Variants in DIAPH3 observed in about 807,000 individuals in gnomAD.
The protein encoded by DIAPH3 is diaphanous related formin 3.
Under a neutral mutation model 144.3 loss-of-function variants are expected in DIAPH3, and 117 were observed. The observed-to-expected ratio is 0.81, with a 90% CI of 0.70 to 0.95. The LOEUF (loss-of-function observed/expected upper bound fraction) is 0.95, where lower values mean the gene tolerates loss of function less well. DIAPH3 is among the 40% of genes least tolerant of loss of function. The pLI is 0.00. For missense variants in DIAPH3, 1,421 were observed against 1,412.7 expected (o/e 1.01, Z -0.09); for synonymous variants, 519 against 488.9 (o/e 1.06, Z -0.81).
chr13:60,124,432 C>A (rs911684172), intron 2 of DIAPH3, among the ~76,000 whole-genome samples: 1 of 152,134 alleles, frequency 6.6e-6, no homozygotes, highest in Non-Finnish European at 1.5e-5. Flanking sequence ...ACCTCTCAGT[C>A]CAACACCTCA....
At chr13:60,033,528 A>G (rs1430766849) in intron 5 of DIAPH3, among the ~76,000 whole-genome samples, 1 of 152,168 alleles carries the variant, frequency 6.6e-6, no homozygotes, top group East Asian at 1.9e-4. Context: ...GGGAACAGGC[A>G]CATCACATGG....
intron 2 of DIAPH3, among the ~76,000 whole-genome samples, chr13:60,127,353 C>T (rs1056626845): frequency 6.6e-6 from 1 of 151,482 alleles, no homozygotes; most frequent in African/African-American, 2.4e-5. Context: ...CTTGAATAGT[C>T]CTATATCTAG....
At chr13:59,773,950 T>C (rs1453685414) in intron 27 of DIAPH3, 5 of 457,668 alleles carry the variant, frequency 1.1e-5, no homozygotes, top group South Asian at 3.7e-5. Flanking sequence ...TTCAGATAAT[T>C]ATAATAATAA....
chr13:59,880,978 C>CAAAAAAAAAAAAAAAAAAAAAA (rs77481523), intron 20 of DIAPH3, among the ~76,000 whole-genome samples: 1 of 64,822 alleles, frequency 1.5e-5, no homozygotes, highest in East Asian at 3.4e-4. Context: ...CAACAAGGAC[C>CAAAAAAAAAAAAAAAAAAAAAA]AAAAAAAAAA....
At chr13:59,783,769 C>A (rs1325945454) in intron 25 of DIAPH3, among the ~76,000 whole-genome samples, 1 of 152,152 alleles carries the variant, frequency 6.6e-6, no homozygotes, top group Non-Finnish European at 1.5e-5. Context: ...AGATAAATCA[C>A]GTACAATGCT....
intron 9 of DIAPH3, among the ~76,000 whole-genome samples, chr13:60,002,971 C>T (rs186816967): frequency 2.6e-4 from 40 of 152,200 alleles, no homozygotes; most frequent in East Asian, 1.5e-3. Context: ...GATTAAAGGA[C>T]GGCAGAAACT....
At chr13:59,989,585 A>G (rs1470414528) in intron 12 of DIAPH3, among the ~76,000 whole-genome samples, 1 of 151,872 alleles carries the variant, frequency 6.6e-6, no homozygotes. Flanking sequence ...TGAACATCAA[A>G]TGTAAAAGTT....
intron 17 of DIAPH3, among the ~76,000 whole-genome samples, chr13:59,958,897 T>G (rs1323334607): frequency 7.4e-6 from 1 of 134,872 alleles, no homozygotes; most frequent in Non-Finnish European, 1.6e-5. Context: ...TTTTTTGAGA[T>G]AGAGTCTCGC....
Position 60,093,729 on chromosome 13 carries a change from C to T in DIAPH3, c.394G>A (p.Asp132Asn). The change falls in exon 4 of 28, where the codon GAT becomes AAT. Residue 132 changes from aspartate to asparagine, a missense_variant. Coordinates refer to ENST00000400324, the MANE Select transcript of DIAPH3 (RefSeq NM_001042517.2). ...LLELFEKMME[D>N]MNLNEDKKAP... ...TTTTTATCTTCATTTAAATTCATAT[C>T]TTCCTGGAAAACACAATTAAAATGC... 1 of 1,605,638 alleles carries T rather than the reference C, an allele frequency of 6.2e-7. No individual in the cohort carries two copies. The highest frequency in any genetic ancestry group is 8.5e-7 in the Non-Finnish European group (1 of 1,173,254).
chr13:59,861,158 T>TA, intron 22 of DIAPH3: 1 of 1,282,128 alleles, frequency 7.8e-7, no homozygotes, highest in South Asian at 1.6e-5. Context: ...AGCAGGTATC[T>TA]ACAAGGTTTA....
chr13:60,112,204 A>G lies in DIAPH3; in HGVS notation c.214-18T>C, dbSNP rs1057303070. ...TTGTCCAGCTACAAAGAAAGACAGAATGACACACGTGTAAGTATTTCCTTT... is the reference window on the plus strand; with the variant it reads ...TTGTCCAGCTACAAAGAAAGACAGAGTGACACACGTGTAAGTATTTCCTTT... On this transcript the variant is annotated intron_variant, in intron 2 of 27. Transcript: ENST00000400324. The G allele has an allele frequency of 1.9e-6, 3 of 1,613,408 alleles. No homozygotes were observed. The highest frequency in any genetic ancestry group is 2.7e-5 in the African/African-American group (2 of 74,926).
intron 2 of DIAPH3, among the ~76,000 whole-genome samples, chr13:60,131,487 A>G (rs560786147): frequency 3.0e-4 from 46 of 151,546 alleles, no homozygotes; most frequent in African/African-American, 1.1e-3. Flanking sequence ...ACATGCAACA[A>G]TGTGGATGAA....
At chr13:60,109,538 GA>G (rs1232825287) in intron 3 of DIAPH3, among the ~76,000 whole-genome samples, 1 of 151,928 alleles carries the variant, frequency 6.6e-6, no homozygotes, top group African/African-American at 2.4e-5. Context: ...CCCTACTGGA[GA>G]CTAGAAATGG....
chr13:59,668,302 G>T (rs1479012378), intron 27 of DIAPH3, among the ~76,000 whole-genome samples: 5 of 152,142 alleles, frequency 3.3e-5, no homozygotes, highest in Non-Finnish European at 7.3e-5. Flanking sequence ...CTTGAAAACT[G>T]CATTTGCAGC....
intron 25 of DIAPH3, among the ~76,000 whole-genome samples, chr13:59,790,928 C>G (rs2039295623): frequency 6.6e-6 from 1 of 152,112 alleles, no homozygotes. Context: ...ACAGTAAAAG[C>G]TGATATTAGG....
chr13:60,141,558 A>C (rs2059425419), intron 1 of DIAPH3, among the ~76,000 whole-genome samples: 1 of 152,260 alleles, frequency 6.6e-6, no homozygotes, highest in South Asian at 2.1e-4. Flanking sequence ...GACTAAAGGC[A>C]AATAAAATTT....
intron 27 of DIAPH3, among the ~76,000 whole-genome samples, chr13:59,679,793 T>C (rs2032846531): frequency 6.6e-6 from 1 of 151,738 alleles, no homozygotes; most frequent in Admixed American, 6.6e-5. Flanking sequence ...ATTAAGTTAC[T>C]GAGAGAAATA....
chr13:60,093,775 G>C, intron 3 of DIAPH3, 43 bp from the exon 4 acceptor site: 1 of 1,299,574 alleles, frequency 7.7e-7, no homozygotes. Flanking sequence ...AATCTAAGTA[G>C]AGCAGCAATT....
At chr13:60,046,413 C>T (rs9528057) in intron 4 of DIAPH3, among the ~76,000 whole-genome samples, 1 of 151,988 alleles carries the variant, frequency 6.6e-6, no homozygotes, top group African/African-American at 2.4e-5. Context: ...CAAATCAAAA[C>T]CAAAATGAGA....
Sources: allele counts gnomAD v4.1 joint callset (sites outside exome capture counted in the v4.1 genomes callset), GRCh38; gene constraint gnomAD v4.1.1; transcripts MANE v1.5; gene names NCBI Gene and HGNC (gene_info 2026-07-23, HGNC 2026-07-21).